PDE4D: variants seen among roughly 807,000 people sequenced by gnomAD.
PDE4D encodes phosphodiesterase 4D.
Under a neutral mutation model 87.4 loss-of-function variants are expected in PDE4D, and 24 were observed. The ratio of observed to expected loss-of-function variants is 0.27; its 90% confidence interval spans 0.20 to 0.39. The LOEUF is 0.39. PDE4D is among the 10% of genes least tolerant of loss of function. The pLI, the probability that PDE4D is intolerant of heterozygous loss-of-function variation, is 1.00. For synonymous variants in PDE4D, 384 were observed against 383.2 expected (o/e 1.00, Z -0.02); for missense variants, 714 against 1,041.0 (o/e 0.69, Z 4.32).
At chr5:60,033,446 C>G (rs1204120446) in intron 2 of PDE4D, among the ~76,000 whole-genome samples, 1 of 152,066 alleles carries the variant, frequency 6.6e-6, no homozygotes, top group Non-Finnish European at 1.5e-5. Flanking sequence ...CTTTTACACT[C>G]CAGGAATTCA....
intron 2 of PDE4D, among the ~76,000 whole-genome samples, chr5:60,041,539 C>A (rs890141504): frequency 6.6e-6 from 1 of 152,178 alleles, no homozygotes; most frequent in African/African-American, 2.4e-5. Flanking sequence ...CAGCTCCGGT[C>A]TGCAGCTCCC....
chr5:59,242,261 T>C (rs1314709209), intron 1 of PDE4D, among the ~76,000 whole-genome samples: 1 of 152,134 alleles, frequency 6.6e-6, no homozygotes, highest in African/African-American at 2.4e-5. Context: ...AAATACCTGC[T>C]ATGGCTGATA....
chr5:59,521,939 T>C (rs1246541485), intron 1 of PDE4D, among the ~76,000 whole-genome samples: 2 of 152,220 alleles, frequency 1.3e-5, no homozygotes, highest in South Asian at 2.1e-4. Context: ...GATAAAAAGA[T>C]AGTAGCCGAC....
At chr5:59,521,645 C>G (rs1313399789) in intron 1 of PDE4D, among the ~76,000 whole-genome samples, 2 of 152,196 alleles carry the variant, frequency 1.3e-5, no homozygotes, top group Non-Finnish European at 2.9e-5. Flanking sequence ...TCCTGACACT[C>G]TTTCCCCACT....
In PDE4D at chr5:60,477,768, G is replaced by A. The variant is rs137887259; in HGVS notation, c.-90+10174C>T. ...ACACAACTGGACTTGCCCATGCTTC[G>A]ACCCCAGACACCACTGTGAAAACAT... On this transcript the variant is annotated intron_variant, in intron 1 of 16. Transcript: ENST00000502484. Among the ~76,000 whole-genome samples the A allele has an allele frequency of 8.3e-4, 126 of 152,222 alleles. 1 individual carries two copies. The highest frequency in any genetic ancestry group is 2.6e-3 in the African/African-American group (109 of 41,536).
At chr5:59,333,276 T>G (rs543395624) in intron 1 of PDE4D, among the ~76,000 whole-genome samples, 3 of 152,178 alleles carry the variant, frequency 2.0e-5, no homozygotes, top group Non-Finnish European at 4.4e-5. Context: ...TTCTTTTTTT[T>G]AATATGAAGG....
At chr5:60,047,622 T>C (rs1476241030) in intron 2 of PDE4D, among the ~76,000 whole-genome samples, 12 of 152,182 alleles carry the variant, frequency 7.9e-5, no homozygotes, top group Non-Finnish European at 1.5e-5. Context: ...CATTTCGTTA[T>C]GTACCCAGTA....
intron 1 of PDE4D, among the ~76,000 whole-genome samples, chr5:59,695,684 C>T (rs573175488): frequency 1.3e-5 from 2 of 152,278 alleles, no homozygotes; most frequent in Admixed American, 6.5e-5. Flanking sequence ...TCGCTGCAGC[C>T]TTGACCTCCT....
At chr5:59,901,799 T>C (rs908448955) in intron 3 of PDE4D, among the ~76,000 whole-genome samples, 4 of 152,036 alleles carry the variant, frequency 2.6e-5, no homozygotes, top group Non-Finnish European at 5.9e-5. Flanking sequence ...TGTAGATCAA[T>C]GAAAACTCAT....
chr5:60,068,816 GGCC>G (rs1158694909), intron 2 of PDE4D, among the ~76,000 whole-genome samples: 1 of 152,028 alleles, frequency 6.6e-6, no homozygotes, highest in Non-Finnish European at 1.5e-5. Flanking sequence ...TGCCCAGGCT[GGCC>G]TCGAACTCCT....
chr5:60,475,539 T>C (rs540019879), intron 1 of PDE4D, among the ~76,000 whole-genome samples: 6 of 152,158 alleles, frequency 3.9e-5, no homozygotes, highest in Non-Finnish European at 7.4e-5. Flanking sequence ...GATTACTTCC[T>C]AAACCTCATT....
intron 1 of PDE4D, among the ~76,000 whole-genome samples, chr5:59,366,554 G>A (rs966216671): frequency 1.6e-4 from 24 of 152,248 alleles, no homozygotes; most frequent in African/African-American, 5.3e-4. Context: ...AGTCAGTCAA[G>A]CACTTGGGAA....
At chr5:60,454,783 C>T (rs542163225) in intron 1 of PDE4D, among the ~76,000 whole-genome samples, 4 of 152,200 alleles carry the variant, frequency 2.6e-5, no homozygotes, top group African/African-American at 7.2e-5. Flanking sequence ...GCACATTCTG[C>T]ACATGTATCC....
intron 1 of PDE4D, among the ~76,000 whole-genome samples, chr5:59,771,510 G>GAAAGAAAGA (rs1561638139): frequency 7.3e-6 from 1 of 137,568 alleles, no homozygotes; most frequent in Non-Finnish European, 1.5e-5. Context: ...AAGAAAGAAA[G>GAAAGAAAGA]AAAGAAAGAA....
intron 1 of PDE4D, among the ~76,000 whole-genome samples, chr5:59,423,683 ACT>A (rs1794791291): frequency 6.6e-6 from 1 of 152,128 alleles, no homozygotes; most frequent in South Asian, 2.1e-4. Flanking sequence ...AGAGAATGGA[ACT>A]CTAGGCAAAA....
At chr5:59,419,312 A>C (rs2702375) in intron 1 of PDE4D, among the ~76,000 whole-genome samples, 25,421 of 152,086 alleles carry the variant, frequency 0.17, 2,226 homozygotes, top group East Asian at 0.21. Flanking sequence ...ATTTTTTTGA[A>C]GGCTAAGAAT....
intron 1 of PDE4D, among the ~76,000 whole-genome samples, chr5:59,705,069 CTA>C (rs1753188780): frequency 6.6e-6 from 1 of 152,212 alleles, no homozygotes; most frequent in Non-Finnish European, 1.5e-5. Flanking sequence ...TGTTCCATGT[CTA>C]GCAATTCGCC....
intron 2 of PDE4D, among the ~76,000 whole-genome samples, chr5:60,036,231 A>T (rs1767785104): frequency 6.6e-6 from 1 of 152,240 alleles, no homozygotes; most frequent in Admixed American, 6.5e-5. Flanking sequence ...CATGAGGTAC[A>T]CATAGCTTAA....
At chr5:59,012,807 T>C (rs7736385) in intron 6 of PDE4D, among the ~76,000 whole-genome samples, 2,909 of 152,268 alleles carry the variant, frequency 0.019, 83 homozygotes, top group African/African-American at 0.055. Flanking sequence ...GCGGACCTAA[T>C]AGACATCTAC....
Sources: allele counts gnomAD v4.1 joint callset (sites outside exome capture counted in the v4.1 genomes callset), GRCh38; gene constraint gnomAD v4.1.1; transcripts MANE v1.5; gene names NCBI Gene and HGNC (gene_info 2026-07-23, HGNC 2026-07-21).